Variants in CROCC observed in about 807,000 individuals in gnomAD.
CROCC encodes the protein rootletin.
In CROCC, 180 loss-of-function variants were observed where a neutral mutation model predicts 245.2. That is an observed-to-expected ratio of 0.73 (90% CI 0.65 to 0.83). The LOEUF is 0.83. CROCC is among the 40% of genes least tolerant of loss of function. The pLI, the probability that CROCC is intolerant of heterozygous loss-of-function variation, is 0.00. For missense variants in CROCC, 2,688 were observed against 2,779.4 expected, an observed-to-expected ratio of 0.97 and a Z score of 0.74; for synonymous variants, 1,205 against 1,241.6, an observed-to-expected ratio of 0.97 and a Z score of 0.62.
rs549581169 is a variant in CROCC, at chr1:16,965,319, C to T, written c.4406-404C>T. On this transcript the variant is annotated intron_variant, in intron 27 of 36. Transcript: ENST00000375541. ...GTGGATGGAAGAGACGAGGCCCAGCCCTCATGGTGCTCCTGGTCGGGGTGG... is the reference window on the plus strand; with the variant it reads ...GTGGATGGAAGAGACGAGGCCCAGCTCTCATGGTGCTCCTGGTCGGGGTGG... Among the ~76,000 whole-genome samples the T allele has an allele frequency of 3.4e-4, 52 of 152,304 alleles. 1 individual carries two copies. In the South Asian group the frequency reaches 0.011, roughly 31 times the overall value.
At chr1:16,924,857 G>C (rs1383230559) in intron 3 of CROCC, among the ~76,000 whole-genome samples, 1 of 152,284 alleles carries the variant, frequency 6.6e-6, no homozygotes, top group Non-Finnish European at 1.5e-5. Flanking sequence ...GGGCCTTGGG[G>C]TTGAGGCGGT....
chr1:16,918,942 G>C (rs1272241796), upstream of CROCC, among the ~76,000 whole-genome samples: 10 of 151,138 alleles, frequency 6.6e-5, no homozygotes, highest in African/African-American at 2.0e-4. Flanking sequence ...TCACCACGTT[G>C]GCCAGGCTGG....
intron 8 of CROCC, among the ~76,000 whole-genome samples, chr1:16,931,710 T>C (rs1341703124): frequency 1.3e-5 from 2 of 152,276 alleles, no homozygotes; most frequent in African/African-American, 4.8e-5. Flanking sequence ...GTGATCTTCC[T>C]GAGGTCACAC....
chr1:16,914,745 G>T (rs66839752), intron 1 of CROCC, among the ~76,000 whole-genome samples: 129,239 of 152,122 alleles, frequency 0.85, 54,149 homozygotes, highest in East Asian at 0.89. Context: ...TGGGCATTTT[G>T]AACGAGCTCC....
intron 9 of CROCC, 119 bp downstream of exon 9, chr1:16,936,992 A>C (rs2075805643): frequency 1.8e-6 from 2 of 1,101,060 alleles, no homozygotes; most frequent in Non-Finnish European, 2.7e-6. Flanking sequence ...GAGCTCAGCC[A>C]GTCTTCCCAT....
intron 8 of CROCC, among the ~76,000 whole-genome samples, chr1:16,932,907 G>T (rs573993870): frequency 1.3e-5 from 2 of 152,266 alleles, no homozygotes; most frequent in African/African-American, 2.4e-5. Context: ...CAGCCTCCTC[G>T]TCTCAAGCAA....
chr1:16,934,308 A>ATTTT (rs60973533), intron 8 of CROCC, among the ~76,000 whole-genome samples: 2,113 of 150,206 alleles, frequency 0.014, no homozygotes, highest in African/African-American at 0.046. Context: ...CTGAAAATAC[A>ATTTT]TTTTTTTTTT....
chr1:16,933,319 T>A (rs1377788153), intron 8 of CROCC, among the ~76,000 whole-genome samples: 1 of 152,184 alleles, frequency 6.6e-6, no homozygotes, highest in Non-Finnish European at 1.5e-5. Context: ...ATACAAAACT[T>A]ATCTAGGTGT....
At chr1:16,935,192 G>T (rs188406862) in intron 8 of CROCC, among the ~76,000 whole-genome samples, 5 of 152,224 alleles carry the variant, frequency 3.3e-5, no homozygotes, top group African/African-American at 1.2e-4. Context: ...GAGCCACCAC[G>T]CCTGGCCTAT....
intron 3 of CROCC, among the ~76,000 whole-genome samples, chr1:16,927,747 G>A (rs566575670): frequency 7.2e-5 from 11 of 152,408 alleles, no homozygotes; most frequent in Non-Finnish European, 1.2e-4. Context: ...ACACACAGAT[G>A]TGGACACCGC....
chr1:16,939,578 G>A (rs554420850), intron 12 of CROCC, among the ~76,000 whole-genome samples: 22 of 152,350 alleles, frequency 1.4e-4, no homozygotes, highest in African/African-American at 4.8e-4. Context: ...ATGCAAGGGG[G>A]AGGAGCCTAG....
intron 8 of CROCC, among the ~76,000 whole-genome samples, chr1:16,935,290 C>T (rs2075764104): frequency 2.0e-5 from 3 of 152,378 alleles, no homozygotes; most frequent in Admixed American, 2.0e-4. Context: ...GACACATGCA[C>T]ACTTTTTTGC....
chr1:16,969,032 A>T (rs753941079), intron 31 of CROCC, 84 bp from the exon 32 acceptor site: 1 of 1,297,462 alleles, frequency 7.7e-7, no homozygotes, highest in Non-Finnish European at 1.1e-6. Flanking sequence ...TGGATTGGGC[A>T]TGCCAGGTGG....
At chr1:16,948,269 G>C (rs1269953183) in intron 17 of CROCC, 62 bp from the exon 18 acceptor site, 1 of 1,478,968 alleles carries the variant, frequency 6.8e-7, no homozygotes, top group Non-Finnish European at 8.9e-7. Context: ...GAGTTGGGGT[G>C]CTGCACGATG....
chr1:16,971,785 G>A lies in CROCC; in HGVS notation c.5967+138G>A, dbSNP rs1050499533. 1.7e-5 allele frequency: 15 copies of A among 886,244 alleles called. No individual in the cohort carries two copies. The African/African-American group carries it at 2.4e-4, about 14-fold the overall frequency. The allele number at this position is 886,244 out of a possible 1,614,324, so 54.9% of individuals were successfully genotyped here. On this transcript the variant is annotated intron_variant, in intron 36 of 36. Coordinates refer to ENST00000375541, the MANE Select transcript of CROCC (RefSeq NM_014675.5). ...AAAAGGGTGGGGTTGGCTCTGCGCTGGTGTCAGCCAAGACCAGACCGGGGC... is the reference window on the plus strand; with the variant it reads ...AAAAGGGTGGGGTTGGCTCTGCGCTAGTGTCAGCCAAGACCAGACCGGGGC...
chr1:16,948,338 G>T lies in CROCC; in HGVS notation c.2522G>T (p.Arg841Leu). Residue 841 changes from arginine to leucine, a missense_variant, in exon 18 of 37, where the codon CGG becomes CTG. Coordinates refer to ENST00000375541, the MANE Select transcript of CROCC (RefSeq NM_014675.5). ...TCTCTGGGTGGGGGCCAGCTCTCCC[G>T]GCAGCTGAGCGGGCGGGAGCAGGAG... The part of the protein sequence containing the change: ...QLQEQLAQLS[R>L]QLSGREQELE... The T allele has an allele frequency of 1.9e-6, 3 of 1,568,360 alleles. No homozygotes were observed. The highest frequency in any genetic ancestry group is 8.6e-7 in the Non-Finnish European group (1 of 1,161,938).
rs2076417332 is a variant in CROCC, at chr1:16,966,340, T to G, written c.4697-68T>G. ...CACTGGGTGGAGTGCAGGCTGGACA[T>G]TTTGTGACCTGGTTTGGGTCTCGGG... On this transcript the variant is annotated intron_variant, in intron 29 of 36. Coordinates refer to ENST00000375541, the MANE Select transcript of CROCC (RefSeq NM_014675.5). The surrounding 1 kb of genome is among the most constrained non-coding windows in gnomAD (Gnocchi z 4.8). 6.8e-7 allele frequency: 1 copy of G among 1,464,602 alleles called. No homozygotes were observed. The highest frequency in any genetic ancestry group is 1.4e-5 in the African/African-American group (1 of 71,096). 90.7% of individuals were successfully genotyped at this position (1,464,602 alleles called of 1,614,324 possible).
chr1:16,923,931 T>C (rs182550179), intron 2 of CROCC, among the ~76,000 whole-genome samples: 426 of 152,322 alleles, frequency 2.8e-3, no homozygotes, highest in Non-Finnish European at 4.5e-3. Context: ...TCCTCCTATC[T>C]CGACTCCCAA....
chr1:16,971,349 C>A, intron 35 of CROCC, 116 bp from the exon 36 acceptor site: 1 of 1,389,942 alleles, frequency 7.2e-7, no homozygotes, highest in Non-Finnish European at 9.4e-7. Flanking sequence ...ACAAGGATCT[C>A]TCCTGCCTTC....
Sources: allele counts gnomAD v4.1 joint callset (sites outside exome capture counted in the v4.1 genomes callset), GRCh38; gene constraint gnomAD v4.1.1; non-coding constraint Gnocchi (gnomAD v3.1); transcripts MANE v1.5; gene names NCBI Gene and HGNC (gene_info 2026-07-23, HGNC 2026-07-21).